Variants in CELF2 observed in about 807,000 individuals in gnomAD.
CELF2 encodes CUGBP Elav-like family member 2.
In CELF2, 8 loss-of-function variants were observed where a neutral mutation model predicts 62.6. The observed-to-expected ratio is 0.13, with a 90% CI of 0.07 to 0.23. The LOEUF (loss-of-function observed/expected upper bound fraction) is 0.23, where lower values mean the gene tolerates loss of function less well. CELF2 is among the 10% of genes least tolerant of loss of function. The probability of loss-of-function intolerance (pLI) is 1.00; values close to 1 mark genes in which losing one functional copy is unlikely to be tolerated. For synonymous variants in CELF2, 258 were observed against 250.0 expected, an observed-to-expected ratio of 1.03 and a Z score of -0.30; for missense variants, 333 against 671.0, an observed-to-expected ratio of 0.50 and a Z score of 5.56.
Position 11,288,468 on chromosome 10 carries a change from G to T in CELF2, c.892G>T (p.Ala298Ser). ...QNLATLAAAA[A>S]AAQTSATSTN... is the part of the protein sequence containing the mutation. ...CCTGGCGACGCTGGCTGCTGCTGCA[G>T]CTGCGGCCCAGACCTCAGCCACCAG... Residue 298 changes from alanine to serine, a missense_variant, in exon 9 of 13, where the codon GCT (alanine) becomes TCT (serine). Physicochemically the swap from Ala to Ser is moderately conservative, Grantham distance 99. This residue lies in a region of CELF2 where 253 missense variants were observed against 503.0 expected (regional missense o/e 0.50). Transcript: ENST00000633077. 1.9e-6 allele frequency: 3 copies of T among 1,613,974 alleles called. No homozygotes were observed. Among genetic ancestry groups the T allele is most frequent in the Non-Finnish European group, 2.5e-6 (3 of 1,180,040 alleles).
chr10:10,828,502 G>A (rs1020107033), intron 1 of CELF2, among the ~76,000 whole-genome samples: 3 of 152,160 alleles, frequency 2.0e-5, no homozygotes, highest in Admixed American at 6.5e-5. Flanking sequence ...TGGCGGTCAG[G>A]CACTGTGTGT....
intron 1 of CELF2, among the ~76,000 whole-genome samples, chr10:10,885,096 A>T (rs931693686): frequency 6.6e-6 from 1 of 152,076 alleles, no homozygotes; most frequent in African/African-American, 2.4e-5. Context: ...ACAAAACATT[A>T]GCTGAGCGTG....
chr10:11,196,420 G>A (rs2057492772), intron 2 of CELF2, among the ~76,000 whole-genome samples: 4 of 152,334 alleles, frequency 2.6e-5, no homozygotes, highest in Admixed American at 2.6e-4. Context: ...CCAGCACTTT[G>A]GGAGACCAAG....
At chr10:10,588,365 C>A in the CELF2 span, among the ~76,000 whole-genome samples, 8 of 152,216 alleles carry the variant, frequency 5.3e-5, no homozygotes, top group Non-Finnish European at 1.0e-4. Context: ...CCCACACTGG[C>A]TGAGAGACCC....
chr10:10,650,210 CAAAT>C, the CELF2 span, among the ~76,000 whole-genome samples: 8 of 152,114 alleles, frequency 5.3e-5, no homozygotes, highest in Admixed American at 1.3e-4. Context: ...AAAAATAAAA[CAAAT>C]AAAGCAGAAC....
intron 1 of CELF2, among the ~76,000 whole-genome samples, chr10:11,093,084 T>G (rs949420764): frequency 6.6e-6 from 1 of 152,228 alleles, no homozygotes; most frequent in Non-Finnish European, 1.5e-5. Flanking sequence ...TGTCAGGGAC[T>G]TAGCATGCTG....
the CELF2 span, among the ~76,000 whole-genome samples, chr10:10,570,187 C>G: frequency 2.0e-5 from 3 of 152,098 alleles, no homozygotes; most frequent in Non-Finnish European, 4.4e-5. Flanking sequence ...GCAGCAATGC[C>G]TCAGGGTGAG....
intron 2 of CELF2, among the ~76,000 whole-genome samples, chr10:11,182,459 C>T (rs937333462): frequency 3.9e-5 from 6 of 152,216 alleles, no homozygotes; most frequent in African/African-American, 4.8e-5. Context: ...ATATACTTTG[C>T]CCCTAGTTGT....
At chr10:10,549,584 C>G in the CELF2 span, among the ~76,000 whole-genome samples, 4 of 152,084 alleles carry the variant, frequency 2.6e-5, no homozygotes, top group African/African-American at 9.7e-5. Flanking sequence ...GCGCCCGGCC[C>G]CAGTTGGTCT....
rs531572408 is a variant in CELF2 at position 10,873,864 on chromosome 10, C to T, written c.54-46100C>T. Among the ~76,000 whole-genome samples the T allele has an allele frequency of 5.3e-5, 8 of 152,262 alleles. No homozygotes were observed. In the South Asian group the frequency reaches 1.0e-3, roughly 20 times the overall value. On this transcript the variant is annotated intron_variant, in intron 1 of 13. Transcript: ENST00000636488. ...CTTCTTTCTGGGGGTGTGGAGGAAA[C>T]AGCTTCCTGTGAGCAAAGCTGATGC...
the CELF2 span, among the ~76,000 whole-genome samples, chr10:10,492,156 C>T: frequency 6.6e-6 from 1 of 152,150 alleles, no homozygotes; most frequent in Non-Finnish European, 1.5e-5. Flanking sequence ...GACTGTACTT[C>T]TCTGAAAATC....
intron 1 of CELF2, among the ~76,000 whole-genome samples, chr10:11,148,843 A>AACACACACACACACACACACACACACAC (rs58567770): frequency 2.3e-4 from 34 of 146,912 alleles, no homozygotes; most frequent in African/African-American, 4.8e-4. Context: ...TCTTAAACCA[A>AACACACACACACACACACACACACACAC]ACACACACAC....
chr10:11,242,283 TTGGTG>T lies in CELF2; in HGVS notation c.355-6869_355-6865del, dbSNP rs2074168872. 6.6e-6 allele frequency among the ~76,000 whole-genome samples: 1 copy of T among 152,214 alleles called. No homozygotes were observed. The highest frequency in any genetic ancestry group is 1.5e-5 in the Non-Finnish European group (1 of 68,036). ...ATGTTAAAGGTGGTTAACTCATCAA[TTGGTG>T]ATGGCTGGGGTTCAACAAGTTCCAA... On this transcript the variant is annotated intron_variant, in intron 3 of 12. Coordinates refer to ENST00000633077, the MANE Select transcript of CELF2 (RefSeq NM_001326342.2). This position sits in a 1 kb window ranked among gnomAD's most constrained non-coding sequence, Gnocchi z 4.8.
intron 1 of CELF2, among the ~76,000 whole-genome samples, chr10:10,896,435 T>G (rs971505698): frequency 6.6e-6 from 1 of 152,082 alleles, no homozygotes; most frequent in African/African-American, 2.4e-5. Flanking sequence ...AGAATTCAAG[T>G]CTACCCAGAA....
the CELF2 span, among the ~76,000 whole-genome samples, chr10:10,727,922 C>T: frequency 1.3e-5 from 2 of 152,098 alleles, no homozygotes; most frequent in East Asian, 1.9e-4. Flanking sequence ...AAGCCTGGCA[C>T]GGAGCTGCTG....
the CELF2 span, among the ~76,000 whole-genome samples, chr10:10,568,077 C>G: frequency 7.2e-5 from 11 of 152,002 alleles, no homozygotes; most frequent in East Asian, 2.1e-3. Flanking sequence ...TACTATAAAG[C>G]AAAGGGTGAT....
chr10:10,843,787 A>C (rs981494409), intron 1 of CELF2, among the ~76,000 whole-genome samples: 1 of 152,078 alleles, frequency 6.6e-6, no homozygotes, highest in Non-Finnish European at 1.5e-5. Flanking sequence ...CTTTTGAAAC[A>C]AAATCGCCCC....
In CELF2 at chr10:11,290,280, G is replaced by A. The variant is rs777410005; in HGVS notation, c.976+1728G>A. ...AAGGGGAAAGGGGACTGGAGGAGGT[G>A]ACCCCTCTCTCAAAAGGTGACCTTT... On this transcript the variant is annotated intron_variant, in intron 9 of 12. Transcript: ENST00000633077. This position sits in a 1 kb window ranked among gnomAD's most constrained non-coding sequence, Gnocchi z 4.3. Among the ~76,000 whole-genome samples the A allele has an allele frequency of 6.6e-6, 1 of 152,182 alleles. No homozygotes were observed. Among genetic ancestry groups the A allele is most frequent in the Non-Finnish European group, 1.5e-5 (1 of 68,026 alleles).
upstream of CELF2, chr10:10,796,776 G>A (rs1468793715): frequency 2.2e-6 from 1 of 449,984 alleles, no homozygotes; most frequent in African/African-American, 2.1e-5. Flanking sequence ...ATTTGGTGAA[G>A]TACTTGGAGA....
Sources: gnomAD v4.1 joint callset for allele counts (sites outside exome capture counted in the v4.1 genomes callset) on GRCh38, gnomAD v4.1.1 for gene constraint, gnomAD v4.1.1 regional missense constraint, Gnocchi (gnomAD v3.1) non-coding constraint, MANE v1.5 for transcripts, NCBI Gene and HGNC (gene_info 2026-07-23, HGNC 2026-07-21) for gene names.